Variants in SLCO5A1 observed in about 807,000 individuals in gnomAD.
The protein encoded by SLCO5A1 is solute carrier organic anion transporter family member 5A1, also known as organic anion transporter polypeptide-related protein 4.
In SLCO5A1, 39 loss-of-function variants were observed where a neutral mutation model predicts 65.1. The observed-to-expected ratio is 0.60, with a 90% CI of 0.46 to 0.78. The LOEUF (loss-of-function observed/expected upper bound fraction) is 0.78. SLCO5A1 is among the 30% of genes least tolerant of loss of function. The probability of loss-of-function intolerance (pLI) is 0.00; values close to 1 mark genes in which losing one functional copy is unlikely to be tolerated. For synonymous variants in SLCO5A1, 438 were observed against 415.7 expected (o/e 1.05, Z -0.65); for missense variants, 1,029 against 1,069.4 (o/e 0.96, Z 0.53).
intron 2 of SLCO5A1, among the ~76,000 whole-genome samples, chr8:69,825,977 A>C (rs930590215): frequency 6.6e-6 from 1 of 152,242 alleles, no homozygotes; most frequent in Non-Finnish European, 1.5e-5. Flanking sequence ...ATAACGCTGC[A>C]TATCTACAAC....
intron 6 of SLCO5A1, among the ~76,000 whole-genome samples, chr8:69,696,202 C>G (rs747980132): frequency 6.6e-6 from 1 of 152,142 alleles, no homozygotes; most frequent in East Asian, 1.9e-4. Flanking sequence ...GCAGGTAAGA[C>G]GTGGACTGTG....
chr8:69,832,635 C>T lies in SLCO5A1; in HGVS notation c.39G>A (p.Glu13=), dbSNP rs746176537. 2.4e-5 allele frequency: 38 copies of T among 1,608,192 alleles called. No homozygotes were observed. The South Asian group carries it at 3.6e-4, about 15-fold the overall frequency. ...CTGCAGTGGCCGGCGCCTCCAGCTGCTCTCCCGCCCCGGGCTGCAGTCCAG... is the reference window on the plus strand; with the variant it reads ...CTGCAGTGGCCGGCGCCTCCAGCTGTTCTCCCGCCCCGGGCTGCAGTCCAG... ...EGTGLQPGAG[E]QLEAPATAEA... Residue 13 remains glutamate, a synonymous_variant, in exon 2 of 10, where the codon GAG becomes GAA. Transcript: ENST00000260126. This position sits in a 1 kb window ranked among gnomAD's most constrained non-coding sequence, Gnocchi z 4.5.
chr8:69,718,086 T>C (rs1815639623), intron 5 of SLCO5A1, among the ~76,000 whole-genome samples: 1 of 152,242 alleles, frequency 6.6e-6, no homozygotes, highest in Non-Finnish European at 1.5e-5. Context: ...TTTGTGGTTT[T>C]CAGAATATAA....
At chr8:69,800,075 T>C (rs186466222) in intron 2 of SLCO5A1, among the ~76,000 whole-genome samples, 1 of 152,134 alleles carries the variant, frequency 6.6e-6, no homozygotes, top group African/African-American at 2.4e-5. Flanking sequence ...GAACTATCTG[T>C]TGATAATTTG....
intron 4 of SLCO5A1, among the ~76,000 whole-genome samples, chr8:69,750,702 A>G (rs1158577491): frequency 3.9e-5 from 6 of 152,128 alleles, no homozygotes; most frequent in Non-Finnish European, 5.9e-5. Flanking sequence ...CACCTCCTCC[A>G]TATAACTTTT....
At chr8:69,683,900 C>G (rs1308809331) in intron 6 of SLCO5A1, among the ~76,000 whole-genome samples, 1 of 152,152 alleles carries the variant, frequency 6.6e-6, no homozygotes. Flanking sequence ...ACCACTTATA[C>G]AGTAGCATAG....
At position 69,672,821 on chromosome 8, in the gene SLCO5A1, G is replaced by C; in HGVS notation, c.*48C>G. The stretch of plus-strand genomic sequence containing the variant: ...AGAAGGCACAGTTGTTTCTCAAGTC[G>C]CCATTTTCAATTCAACCAACAAAAC... On this transcript the variant is annotated 3_prime_UTR_variant, in exon 10 of 10. Transcript: ENST00000260126. 6.5e-7 allele frequency: 1 copy of C among 1,547,842 alleles called. No homozygotes were observed. The highest frequency in any genetic ancestry group is 8.7e-7 in the Non-Finnish European group (1 of 1,147,176).
intron 4 of SLCO5A1, among the ~76,000 whole-genome samples, chr8:69,740,952 C>T (rs896522210): frequency 1.3e-5 from 2 of 152,100 alleles, no homozygotes; most frequent in African/African-American, 4.8e-5. Context: ...TTATTTGTAA[C>T]CCCAAAAATT....
intron 6 of SLCO5A1, among the ~76,000 whole-genome samples, chr8:69,684,553 A>C (rs562571034): frequency 8.5e-5 from 13 of 152,162 alleles, no homozygotes; most frequent in Admixed American, 2.6e-4. Flanking sequence ...ATGGCCCAAA[A>C]GTTACCTTAT....
At chr8:69,763,651 A>AAAAAG (rs1817910371) in intron 2 of SLCO5A1, among the ~76,000 whole-genome samples, 4 of 136,942 alleles carry the variant, frequency 2.9e-5, no homozygotes, top group East Asian at 2.2e-4. Flanking sequence ...AAAAAAAAAA[A>AAAAAG]GGGTGTATAG....
chr8:69,728,115 G>T (rs550569045), intron 5 of SLCO5A1, among the ~76,000 whole-genome samples: 2 of 152,204 alleles, frequency 1.3e-5, no homozygotes, highest in African/African-American at 4.8e-5. Context: ...AATGAGCAAG[G>T]TCTCTAGACT....
At chr8:69,760,063 T>C (rs1441394736) in intron 3 of SLCO5A1, among the ~76,000 whole-genome samples, 1 of 152,174 alleles carries the variant, frequency 6.6e-6, no homozygotes, top group Non-Finnish European at 1.5e-5. Flanking sequence ...CCTACCTGAG[T>C]TGGTTCTCCC....
chr8:69,792,269 A>G (rs1819305301), intron 2 of SLCO5A1, among the ~76,000 whole-genome samples: 1 of 152,180 alleles, frequency 6.6e-6, no homozygotes, highest in South Asian at 2.1e-4. Flanking sequence ...AAAAATGAAC[A>G]TTTCAGACAA....
At chr8:69,814,752 T>A (rs1820335437) in intron 2 of SLCO5A1, among the ~76,000 whole-genome samples, 1 of 152,124 alleles carries the variant, frequency 6.6e-6, no homozygotes. Flanking sequence ...CTATTCACAA[T>A]AACCAAGTTA....
chr8:69,703,198 C>T (rs1287939936), intron 6 of SLCO5A1, among the ~76,000 whole-genome samples: 1 of 151,938 alleles, frequency 6.6e-6, no homozygotes, highest in Non-Finnish European at 1.5e-5. Flanking sequence ...AGCTTTCCAC[C>T]TCCTTTTGGT....
At chr8:69,829,259 T>C (rs553769038) in intron 2 of SLCO5A1, among the ~76,000 whole-genome samples, 5 of 152,198 alleles carry the variant, frequency 3.3e-5, no homozygotes, top group African/African-American at 1.2e-4. Context: ...ACTGATCTTC[T>C]AGTATACAAG....
chr8:69,806,160 C>G (rs1819980391), intron 2 of SLCO5A1, among the ~76,000 whole-genome samples: 1 of 152,170 alleles, frequency 6.6e-6, no homozygotes, highest in Non-Finnish European at 1.5e-5. Context: ...AACTTCCACT[C>G]TAGGGTTTTT....
intron 5 of SLCO5A1, among the ~76,000 whole-genome samples, chr8:69,728,304 A>G (rs549670341): frequency 1.3e-5 from 2 of 152,304 alleles, no homozygotes; most frequent in South Asian, 4.1e-4. Flanking sequence ...TCCTATAGAG[A>G]GAGGAAGAGA....
intron 6 of SLCO5A1, among the ~76,000 whole-genome samples, chr8:69,698,216 G>A (rs539256125): frequency 2.6e-5 from 4 of 152,244 alleles, no homozygotes; most frequent in African/African-American, 7.2e-5. Context: ...ATAGTATTTC[G>A]TGGTGTGTAT....
Sources: gnomAD v4.1 joint callset for allele counts (sites outside exome capture counted in the v4.1 genomes callset) on GRCh38, gnomAD v4.1.1 for gene constraint, Gnocchi (gnomAD v3.1) non-coding constraint, MANE v1.5 for transcripts, NCBI Gene and HGNC (gene_info 2026-07-23, HGNC 2026-07-21) for gene names.